The following DOCK10 variants were observed in gnomAD, a reference collection of about 807,000 sequenced individuals.
DOCK10 encodes dedicator of cytokinesis 10.
In DOCK10, 145 loss-of-function variants were observed where a neutral mutation model predicts 280.1. That is an observed-to-expected ratio of 0.52 (90% CI 0.45 to 0.59). The LOEUF is 0.59. Among genes scored for constraint, DOCK10 ranks in the 20% least tolerant of loss-of-function variants. The pLI is 0.00. For missense variants in DOCK10, 2,368 were observed against 2,651.7 expected (o/e 0.89, Z 2.35); for synonymous variants, 915 against 942.2 (o/e 0.97, Z 0.53).
intron 1 of DOCK10, among the ~76,000 whole-genome samples, chr2:225,015,357 T>C (rs375154): frequency 0.51 from 78,089 of 152,122 alleles, 20,895 homozygotes; most frequent in South Asian, 0.69. Context: ...GGCAGGATTT[T>C]ACCATGCTTT....
chr2:224,885,273 T>C (rs1428626490), intron 7 of DOCK10, among the ~76,000 whole-genome samples: 1 of 152,214 alleles, frequency 6.6e-6, no homozygotes, highest in Admixed American at 6.5e-5. Flanking sequence ...GTGTTGGGAT[T>C]ACAGGTGTGA....
At chr2:224,863,521 T>C (rs904921452) in intron 13 of DOCK10, among the ~76,000 whole-genome samples, 4 of 152,152 alleles carry the variant, frequency 2.6e-5, no homozygotes, top group African/African-American at 4.8e-5. Flanking sequence ...GGCAGGATCT[T>C]GGCTCACTGC....
intron 31 of DOCK10, among the ~76,000 whole-genome samples, chr2:224,813,667 C>G (rs936365222): frequency 2.0e-5 from 3 of 152,158 alleles, no homozygotes; most frequent in Admixed American, 1.3e-4. Context: ...TTAGAATATT[C>G]CAGCTCATAA....
At chr2:224,966,514 C>A (rs1252971419) in intron 1 of DOCK10, among the ~76,000 whole-genome samples, 1 of 152,092 alleles carries the variant, frequency 6.6e-6, no homozygotes, top group African/African-American at 2.4e-5. Flanking sequence ...TTCAGGTCAA[C>A]AAAAGGGAGA....
At chr2:224,843,681 C>T (rs1696136424) in intron 22 of DOCK10, among the ~76,000 whole-genome samples, 1 of 152,044 alleles carries the variant, frequency 6.6e-6, no homozygotes, top group South Asian at 2.1e-4. Context: ...ACACATTAAA[C>T]TTAAGAAAGG....
intron 1 of DOCK10, among the ~76,000 whole-genome samples, chr2:225,039,786 G>C (rs959582235): frequency 6.6e-6 from 1 of 152,142 alleles, no homozygotes; most frequent in Non-Finnish European, 1.5e-5. Flanking sequence ...TTATTGGAGA[G>C]AGCAGAATTC....
rs1252740145 is a variant in DOCK10, at chr2:224,885,791, G to T, written c.627C>A (p.Arg209=). The part of the protein sequence containing the change: ...NTVTVRSFKK[R]YFQLTQLPDN... The stretch of plus-strand genomic sequence containing the variant: ...CTGGTAACTGAGTCAGCTGGAAGTA[G>T]CGCTTTTTGAATGACTAAATAAAGG... Residue 209 remains arginine (R), a synonymous_variant, in exon 7 of 56, where the codon CGC becomes CGA. Coordinates refer to ENST00000258390, the MANE Select transcript of DOCK10 (RefSeq NM_014689.3). 1 of 1,612,948 alleles carries T rather than the reference G, an allele frequency of 6.2e-7. No individual in the cohort carries two copies. The highest frequency in any genetic ancestry group is 1.3e-5 in the African/African-American group (1 of 74,982).
At chr2:224,832,922 T>C (rs1278576700) in intron 26 of DOCK10, among the ~76,000 whole-genome samples, 1 of 152,166 alleles carries the variant, frequency 6.6e-6, no homozygotes, top group African/African-American at 2.4e-5. Flanking sequence ...TTCCCTTATA[T>C]ATCTGCACAT....
intron 50 of DOCK10, among the ~76,000 whole-genome samples, chr2:224,778,628 G>A (rs1483766878): frequency 6.6e-6 from 1 of 152,148 alleles, no homozygotes; most frequent in Non-Finnish European, 1.5e-5. Flanking sequence ...GGTAGAACAC[G>A]AAATATGGAG....
intron 14 of DOCK10, among the ~76,000 whole-genome samples, chr2:224,858,683 G>A (rs932616503): frequency 1.3e-5 from 2 of 152,128 alleles, no homozygotes; most frequent in Admixed American, 1.3e-4. Context: ...ATATCTGGCA[G>A]GAGAAAAAAG....
chr2:224,996,723 G>A (rs1706281992), intron 1 of DOCK10, among the ~76,000 whole-genome samples: 1 of 152,220 alleles, frequency 6.6e-6, no homozygotes, highest in Non-Finnish European at 1.5e-5. Flanking sequence ...GGGCTTAATA[G>A]TGAAGAGGTC....
At chr2:225,017,033 T>A (rs1403225529) in intron 1 of DOCK10, among the ~76,000 whole-genome samples, 1 of 151,782 alleles carries the variant, frequency 6.6e-6, no homozygotes, top group African/African-American at 2.4e-5. Context: ...GCCTCTTATA[T>A]TTTTAAGTGT....
At chr2:224,888,372 A>G (rs567001117) in intron 4 of DOCK10, among the ~76,000 whole-genome samples, 42 of 151,806 alleles carry the variant, frequency 2.8e-4, no homozygotes, top group South Asian at 2.3e-3. Context: ...TATGTATTGT[A>G]TGTATATGTG....
Position 224,858,663 on chromosome 2 carries a change from G to GTA in DOCK10, c.1686-1683_1686-1682dup, listed in dbSNP as rs148133015. 6.3e-3 allele frequency among the ~76,000 whole-genome samples: 956 copies of GTA among 151,594 alleles called. 8 individuals are homozygous for GTA. Among genetic ancestry groups the GTA allele is most frequent in the South Asian group, 0.024 (113 of 4,798 alleles). The stretch of plus-strand genomic sequence containing the variant: ...GCGAGACTCCGTCTCAAAAAAATGT[G>GTA]TATATATATATATCTGGCAGGAGAA... On this transcript the variant is annotated intron_variant, in intron 14 of 55. Transcript: ENST00000258390.
chr2:224,898,538 G>C (rs1700113125), intron 3 of DOCK10, among the ~76,000 whole-genome samples: 2 of 152,344 alleles, frequency 1.3e-5, no homozygotes, highest in South Asian at 4.1e-4. Context: ...CAATGCCTGA[G>C]CCAATTCTGC....
At chr2:224,952,592 ATT>A (rs869058280) in intron 1 of DOCK10, among the ~76,000 whole-genome samples, 4,850 of 143,558 alleles carry the variant, frequency 0.034, 256 homozygotes, top group African/African-American at 0.12. Context: ...CAATTATGTT[ATT>A]TTTTTTTTTT....
At chr2:224,885,363 T>C (rs993689597) in intron 7 of DOCK10, among the ~76,000 whole-genome samples, 3 of 152,222 alleles carry the variant, frequency 2.0e-5, no homozygotes, top group Non-Finnish European at 2.9e-5. Flanking sequence ...TCTCCCTTAT[T>C]GAGTATTAAT....
intron 50 of DOCK10, among the ~76,000 whole-genome samples, chr2:224,785,395 G>A (rs114176644): frequency 0.012 from 1,774 of 151,984 alleles, 18 homozygotes; most frequent in African/African-American, 0.035. Flanking sequence ...GAAAAATCCC[G>A]GCTGGATTAA....
intron 49 of DOCK10, 42 bp downstream of exon 49, chr2:224,787,233 A>C (rs759466933): frequency 3.7e-6 from 6 of 1,612,786 alleles, no homozygotes; most frequent in African/African-American, 1.3e-5. Flanking sequence ...CCAATTCAAC[A>C]TAGGATATTT....
Sources: allele counts gnomAD v4.1 joint callset (sites outside exome capture counted in the v4.1 genomes callset), GRCh38; gene constraint gnomAD v4.1.1; transcripts MANE v1.5; gene names NCBI Gene and HGNC (gene_info 2026-07-23, HGNC 2026-07-21).